Variants in GSDMC observed in about 807,000 individuals in gnomAD.
GSDMC encodes gasdermin C.
In GSDMC, 59 loss-of-function variants were observed where a neutral mutation model predicts 58.0. That is an observed-to-expected ratio of 1.02 (90% CI 0.82 to 1.26). The LOEUF is 1.26. Ranked by LOEUF, GSDMC falls within the 50% of genes most tolerant of loss-of-function variation. The probability of loss-of-function intolerance (pLI) is 0.00; values close to 1 mark genes in which losing one functional copy is unlikely to be tolerated. For synonymous variants in GSDMC, 241 were observed against 220.2 expected (o/e 1.09, Z -0.83); for missense variants, 659 against 598.5 (o/e 1.10, Z -1.06).
intron 4 of GSDMC, among the ~76,000 whole-genome samples, chr8:129,763,015 A>G (rs1397370172): frequency 6.6e-6 from 1 of 151,716 alleles, no homozygotes; most frequent in Non-Finnish European, 1.5e-5. Context: ...CTCTTTCATC[A>G]TTCCTTATTT....
intron 3 of GSDMC, among the ~76,000 whole-genome samples, chr8:129,772,914 C>T (rs778988879): frequency 8.5e-5 from 13 of 152,160 alleles, no homozygotes; most frequent in Non-Finnish European, 1.8e-4. Flanking sequence ...AAGGAACATA[C>T]ACCACAAACA....
the GSDMC span, among the ~76,000 whole-genome samples, chr8:129,736,930 A>G: frequency 1.3e-5 from 2 of 152,268 alleles, no homozygotes; most frequent in Admixed American, 1.3e-4. Flanking sequence ...CTGATAAGCA[A>G]CTTCAGCAAA....
chr8:129,749,913 A>G (rs989591974), intron 12 of GSDMC, 77 bp downstream of exon 12: 9 of 1,202,882 alleles, frequency 7.5e-6, no homozygotes, highest in Non-Finnish European at 1.1e-5. Context: ...TTGGAGACAC[A>G]GCATCTAACA....
At chr8:129,764,436 C>A (rs990420561) in intron 4 of GSDMC, among the ~76,000 whole-genome samples, 16 of 152,170 alleles carry the variant, frequency 1.1e-4, no homozygotes, top group Admixed American at 9.8e-4. Context: ...ATGCCTGGAG[C>A]TGAATGGGGA....
At chr8:129,783,226 T>C (rs1030604827) in intron 1 of GSDMC, among the ~76,000 whole-genome samples, 24 of 151,592 alleles carry the variant, frequency 1.6e-4, no homozygotes, top group Non-Finnish European at 1.9e-4. Flanking sequence ...TAAAAAGCCA[T>C]ATATTACAGA....
chr8:129,732,849 G>A, the GSDMC span, among the ~76,000 whole-genome samples: 1 of 152,186 alleles, frequency 6.6e-6, no homozygotes, highest in African/African-American at 2.4e-5. Context: ...GCTGAAGCAG[G>A]GTGGGTCATT....
rs750361014 is a variant in GSDMC at position 129,750,571 on chromosome 8, C to A, written c.944-1G>T. On this transcript the variant is annotated splice_acceptor_variant, in intron 10 of 13. Transcript: ENST00000276708. LOFTEE classifies it high-confidence loss of function. ...ACCTCCTCTTGTAGATGCTTGAAAT[C>A]TGCTCTCAGGCATCAACGCCGACCA... 1 of 1,613,760 alleles carries A rather than the reference C, an allele frequency of 6.2e-7. No individual in the cohort carries two copies. Among genetic ancestry groups the A allele is most frequent in the South Asian group, 1.1e-5 (1 of 90,992 alleles).
At chr8:129,734,101 T>C in the GSDMC span, among the ~76,000 whole-genome samples, 1 of 151,956 alleles carries the variant, frequency 6.6e-6, no homozygotes, top group Non-Finnish European at 1.5e-5. Flanking sequence ...ATTAATGAGA[T>C]AAAGTGAGAA....
At chr8:129,724,117 T>A in the GSDMC span, among the ~76,000 whole-genome samples, 1 of 152,276 alleles carries the variant, frequency 6.6e-6, no homozygotes, top group South Asian at 2.1e-4. Context: ...ACTCAAGCCA[T>A]CTATGGAGAG....
At chr8:129,709,725 C>T in the GSDMC span, among the ~76,000 whole-genome samples, 1 of 152,174 alleles carries the variant, frequency 6.6e-6, no homozygotes, top group African/African-American at 2.4e-5. Flanking sequence ...AATTCTCTGT[C>T]CTCATCTCTT....
At chr8:129,751,808 C>G (rs746937163) in intron 9 of GSDMC, 54 bp downstream of exon 9, 28 of 1,553,748 alleles carry the variant, frequency 1.8e-5, no homozygotes, top group Non-Finnish European at 1.4e-5. Context: ...CCCTACTTAC[C>G]CCATGTGTGC....
chr8:129,715,875 A>G, the GSDMC span, among the ~76,000 whole-genome samples: 1 of 152,322 alleles, frequency 6.6e-6, no homozygotes, highest in East Asian at 1.9e-4. Flanking sequence ...TAATACATGT[A>G]CAAGTAGAAT....
chr8:129,736,434 T>C, the GSDMC span, among the ~76,000 whole-genome samples: 1 of 152,140 alleles, frequency 6.6e-6, no homozygotes, highest in African/African-American at 2.4e-5. Context: ...CAAAAAGCTA[T>C]CCACCACGAT....
chr8:129,749,852 C>A, intron 12 of GSDMC, 138 bp downstream of exon 12: 1 of 706,850 alleles, frequency 1.4e-6, no homozygotes. Context: ...GCCCTCTGAC[C>A]TTAGAGAGAG....
the GSDMC span, chr8:129,729,104 G>T: frequency 4.7e-6 from 3 of 639,920 alleles, no homozygotes; most frequent in African/African-American, 5.4e-5. Context: ...AGATGAAAAT[G>T]ATCTGATCCT....
chr8:129,760,611 C>T (rs1199583532), intron 5 of GSDMC, 22 bp from the exon 6 acceptor site: 2 of 1,262,598 alleles, frequency 1.6e-6, no homozygotes, highest in South Asian at 1.3e-5. Flanking sequence ...AGAAGAACTT[C>T]CATTAGGAGA....
chr8:129,758,116 C>G (rs948051182), intron 6 of GSDMC, among the ~76,000 whole-genome samples: 1 of 152,104 alleles, frequency 6.6e-6, no homozygotes, highest in African/African-American at 2.4e-5. Context: ...GGACAAAAAC[C>G]GTATGATCAT....
In GSDMC at chr8:129,786,526, C is replaced by G. The variant is rs1353031834; in HGVS notation, c.-520G>C. On this transcript the variant is annotated 5_prime_UTR_variant, in exon 1 of 14. An upstream start codon of the reference 5' UTR is lost. Transcript: ENST00000276708. ...AAAATAAGCACAGGAGGGCCCTGTT[C>G]ATTTCCAGAAGAGTAAGTCTGGAAC... 6.6e-6 allele frequency: 1 copy of G among 152,164 alleles called. No individual in the cohort carries two copies. The highest frequency in any genetic ancestry group is 1.9e-4 in the East Asian group (1 of 5,194). The allele number at this position is 152,164 out of a possible 1,614,324, so 9.4% of individuals were successfully genotyped here. A position where few individuals can be genotyped will look rare whatever the true frequency, so the allele number is the denominator to read the frequency against.
the GSDMC span, among the ~76,000 whole-genome samples, chr8:129,717,272 TATTG>T: frequency 8.1e-6 from 1 of 123,802 alleles, no homozygotes; most frequent in Admixed American, 8.2e-5. Flanking sequence ...TTTTTTTTTT[TATTG>T]GTAGGCTATT....
Sources: allele counts gnomAD v4.1 joint callset (sites outside exome capture counted in the v4.1 genomes callset), GRCh38; gene constraint gnomAD v4.1.1; transcripts MANE v1.5; gene names NCBI Gene and HGNC (gene_info 2026-07-23, HGNC 2026-07-21).